The following MSI2 variants were observed in gnomAD, a reference collection of about 807,000 sequenced individuals.
The protein encoded by MSI2 is musashi RNA binding protein 2.
In MSI2, 17 loss-of-function variants were observed where a neutral mutation model predicts 45.6. The observed-to-expected ratio is 0.37, with a 90% CI of 0.26 to 0.56. The LOEUF is 0.56. Ranked by LOEUF, MSI2 falls within the 20% of genes least tolerant of loss-of-function variation. The pLI is 0.77. For synonymous variants in MSI2, 156 were observed against 158.2 expected (o/e 0.99, Z 0.11); for missense variants, 293 against 444.2 (o/e 0.66, Z 3.06).
chr17:57,609,801 C>T (rs1213700765), intron 8 of MSI2, among the ~76,000 whole-genome samples: 1 of 152,206 alleles, frequency 6.6e-6, no homozygotes, highest in Non-Finnish European at 1.5e-5. Context: ...CCAGCACCTC[C>T]TCTGAAAGCC....
intron 7 of MSI2, among the ~76,000 whole-genome samples, chr17:57,545,511 C>T (rs1451796956): frequency 6.6e-6 from 1 of 151,954 alleles, no homozygotes; most frequent in Non-Finnish European, 1.5e-5. Context: ...TGGCAGCCGA[C>T]TGCCCAAAGA....
At chr17:57,517,443 G>A (rs1284489106) in intron 6 of MSI2, among the ~76,000 whole-genome samples, 1 of 152,230 alleles carries the variant, frequency 6.6e-6, no homozygotes, top group African/African-American at 2.4e-5. Context: ...GCATCTAAGT[G>A]CTACTGCTGC....
chr17:57,269,887 C>T (rs1160309863), intron 5 of MSI2, among the ~76,000 whole-genome samples: 1 of 152,150 alleles, frequency 6.6e-6, no homozygotes, highest in Non-Finnish European at 1.5e-5. Flanking sequence ...ATCATGATCT[C>T]TGCTTTCCGT....
chr17:57,663,489 C>T (rs921060250), intron 11 of MSI2, among the ~76,000 whole-genome samples: 3 of 152,176 alleles, frequency 2.0e-5, no homozygotes, highest in Non-Finnish European at 4.4e-5. Flanking sequence ...TGACTATATC[C>T]TGGAGAGGGT....
chr17:57,674,004 C>A (rs564622540), intron 11 of MSI2, among the ~76,000 whole-genome samples: 5 of 151,474 alleles, frequency 3.3e-5, no homozygotes, highest in African/African-American at 1.2e-4. Flanking sequence ...CCTTCTCCTG[C>A]AGGAGGTGAG....
chr17:57,475,619 GC>G (rs1049088916), intron 6 of MSI2, among the ~76,000 whole-genome samples: 4 of 151,988 alleles, frequency 2.6e-5, no homozygotes, highest in African/African-American at 9.7e-5. Context: ...CCAGGCCTTT[GC>G]TCTTCTAGTT....
At chr17:57,591,911 T>G (rs1320532795) in intron 7 of MSI2, among the ~76,000 whole-genome samples, 2 of 151,508 alleles carry the variant, frequency 1.3e-5, no homozygotes, top group Non-Finnish European at 2.9e-5. Context: ...CCGAGCACAT[T>G]GGCTCAATCC....
At chr17:57,510,055 A>C (rs2086317820) in intron 6 of MSI2, among the ~76,000 whole-genome samples, 1 of 151,980 alleles carries the variant, frequency 6.6e-6, no homozygotes, top group African/African-American at 2.4e-5. Flanking sequence ...TGGGCCTGCC[A>C]CGTATTTGTT....
chr17:57,303,719 C>G (rs1911616559), intron 5 of MSI2, among the ~76,000 whole-genome samples: 1 of 152,104 alleles, frequency 6.6e-6, no homozygotes, highest in Admixed American at 6.6e-5. Flanking sequence ...TATGATGGGC[C>G]CTTTGAGGAA....
intron 7 of MSI2, among the ~76,000 whole-genome samples, chr17:57,595,718 A>G (rs1905195580): frequency 6.7e-6 from 1 of 149,690 alleles, no homozygotes. Context: ...TTCAACATGA[A>G]TCTGGGTGGG....
In MSI2 at chr17:57,256,677, C is replaced by T; in HGVS notation, c.-66C>T. ...GGAGATCTCGGGGCTCGGAGCCGGC[C>T]GCCGCTCCGCTCCGATCGCTGTGGG... On this transcript the variant is annotated 5_prime_UTR_variant, in exon 1 of 14. Coordinates refer to ENST00000284073, the MANE Select transcript of MSI2 (RefSeq NM_138962.4). 1 of 719,856 alleles carries T rather than the reference C, an allele frequency of 1.4e-6. No homozygotes were observed. The highest frequency in any genetic ancestry group is 1.9e-6 in the Non-Finnish European group (1 of 514,126). 44.6% of individuals were successfully genotyped at this position (719,856 alleles called of 1,614,324 possible).
At chr17:57,429,745 A>G (rs988226375) in intron 6 of MSI2, among the ~76,000 whole-genome samples, 3 of 152,136 alleles carry the variant, frequency 2.0e-5, no homozygotes, top group Admixed American at 2.0e-4. Flanking sequence ...TAAAAAAAAA[A>G]AAAAACAATT....
At chr17:57,580,626 G>A (rs1256399902) in intron 7 of MSI2, among the ~76,000 whole-genome samples, 1 of 152,206 alleles carries the variant, frequency 6.6e-6, no homozygotes, top group Non-Finnish European at 1.5e-5. Flanking sequence ...GGATGGCTGG[G>A]AAAAGAGAAG....
At chr17:57,459,172 T>C (rs769214689) in intron 6 of MSI2, among the ~76,000 whole-genome samples, 2 of 152,222 alleles carry the variant, frequency 1.3e-5, no homozygotes, top group African/African-American at 2.4e-5. Context: ...TTTTGGAACC[T>C]GGGCTAAGTG....
intron 8 of MSI2, 124 bp downstream of exon 8, chr17:57,597,074 C>G (rs1905310180): frequency 3.0e-6 from 2 of 673,730 alleles, no homozygotes; most frequent in South Asian, 3.5e-5. Flanking sequence ...GGGCTAGATG[C>G]TCGGGGTCCA....
At chr17:57,381,927 T>C (rs1018352086) in intron 5 of MSI2, among the ~76,000 whole-genome samples, 1 of 152,222 alleles carries the variant, frequency 6.6e-6, no homozygotes, top group Non-Finnish European at 1.5e-5. Context: ...ACTATATACT[T>C]GAGCACCACC....
At chr17:57,295,852 C>T (rs1056662430) in intron 5 of MSI2, among the ~76,000 whole-genome samples, 3 of 152,156 alleles carry the variant, frequency 2.0e-5, no homozygotes, top group South Asian at 2.1e-4. Context: ...TTTCTGCTCC[C>T]GTCACAAATC....
intron 5 of MSI2, among the ~76,000 whole-genome samples, chr17:57,276,260 G>A (rs1908837732): frequency 1.3e-5 from 2 of 152,226 alleles, no homozygotes; most frequent in African/African-American, 4.8e-5. Context: ...GTGTGGAGTT[G>A]TGATTGCTTT....
chr17:57,627,424 A>C lies in MSI2; in HGVS notation c.727+121A>C. Reference sequence around the variant, plus strand: ...ATGCATCCACTTGAAAATGACCTATACATGATAAATTTCAAATCCACTGAA... The same window carrying C: ...ATGCATCCACTTGAAAATGACCTATCCATGATAAATTTCAAATCCACTGAA... On this transcript the variant is annotated intron_variant, in intron 10 of 13. Transcript: ENST00000284073. This position sits in a 1 kb window ranked among gnomAD's most constrained non-coding sequence, Gnocchi z 4.6. 1.1e-6 allele frequency: 1 copy of C among 882,080 alleles called. No homozygotes were observed. The highest frequency in any genetic ancestry group is 1.9e-6 in the Non-Finnish European group (1 of 533,904). The allele number at this position is 882,080 out of a possible 1,614,324, so 54.6% of individuals were successfully genotyped here.
Sources: gnomAD v4.1 joint callset for allele counts (sites outside exome capture counted in the v4.1 genomes callset) on GRCh38, gnomAD v4.1.1 for gene constraint, Gnocchi (gnomAD v3.1) non-coding constraint, MANE v1.5 for transcripts, NCBI Gene and HGNC (gene_info 2026-07-23, HGNC 2026-07-21) for gene names.